Variants in TARM1 observed in about 807,000 individuals in gnomAD.
TARM1 encodes T cell-interacting, activating receptor on myeloid cells 1.
TARM1 carries 24 observed loss-of-function variants against 30.4 expected under a neutral mutation model. The ratio of observed to expected loss-of-function variants is 0.79; its 90% CI spans 0.57 to 1.11. The LOEUF (loss-of-function observed/expected upper bound fraction) is 1.11. Among genes scored for constraint, TARM1 ranks in the 50% least tolerant of loss-of-function variants. The probability of loss-of-function intolerance (pLI) is 0.00; values close to 1 mark genes in which losing one functional copy is unlikely to be tolerated. For missense variants in TARM1, 323 were observed against 332.8 expected (o/e 0.97, Z 0.23); for synonymous variants, 129 against 138.9 (o/e 0.93, Z 0.50).
intron 4 of TARM1, among the ~76,000 whole-genome samples, chr19:54,072,758 C>T (rs2071843350): frequency 6.6e-6 from 1 of 152,074 alleles, no homozygotes; most frequent in South Asian, 2.1e-4. Flanking sequence ...GAGCGGATCA[C>T]CTGAGGCCAG....
At chr19:54,076,705 A>T (rs1206891837) in intron 1 of TARM1, among the ~76,000 whole-genome samples, 1 of 151,672 alleles carries the variant, frequency 6.6e-6, no homozygotes, top group African/African-American at 2.4e-5. Flanking sequence ...GTGTTTTGAG[A>T]CAGGGTCTCT....
At chr19:54,076,061 C>A in intron 1 of TARM1, 143 bp from the exon 2 acceptor site, 1 of 1,435,060 alleles carries the variant, frequency 7.0e-7, no homozygotes, top group Non-Finnish European at 9.3e-7. Flanking sequence ...ATTCTCCCCA[C>A]ACTGGACTGT....
chr19:54,080,136 G>GAAGAAAGAAAGAAAGA (rs1162895891), intron 1 of TARM1, among the ~76,000 whole-genome samples: 2 of 63,778 alleles, frequency 3.1e-5, no homozygotes, highest in African/African-American at 1.1e-4. Context: ...AGGAAGGAAG[G>GAAGAAAGAAAGAAAGA]AAGAAAGCAA....
intron 2 of TARM1, 61 bp from the exon 3 acceptor site, chr19:54,075,175 T>C: frequency 7.4e-7 from 1 of 1,352,194 alleles, no homozygotes; most frequent in Non-Finnish European, 9.8e-7. Flanking sequence ...AGGAAGCCCT[T>C]TTTAAAATTT....
chr19:54,072,392 G>C (rs2071834261), intron 4 of TARM1, among the ~76,000 whole-genome samples: 1 of 152,124 alleles, frequency 6.6e-6, no homozygotes. Context: ...CACCCAGTAA[G>C]GCAGGAAACA....
intron 1 of TARM1, among the ~76,000 whole-genome samples, chr19:54,079,052 C>T (rs1290657137): frequency 9.9e-5 from 14 of 141,234 alleles, no homozygotes; most frequent in Non-Finnish European, 1.4e-4. Flanking sequence ...GTCAGGAGAT[C>T]GAGACCAGCC....
rs587646116 is a variant in TARM1, at chr19:54,071,919, G to A, written c.659-1759C>T. Among the ~76,000 whole-genome samples, 4 of 151,682 alleles carry A rather than the reference G, an allele frequency of 2.6e-5. No individual in the cohort carries two copies. The South Asian group carries it at 8.3e-4, about 32-fold the overall frequency. ...ATAATAAAACTCTGATTGGCCAGGT[G>A]CAGTGGCTCATGCCTGTAATCCCAG... is the stretch of plus-strand genomic sequence containing the variant. On this transcript the variant is annotated intron_variant, in intron 4 of 4. Transcript: ENST00000432826.
chr19:54,080,681 A>C (rs587676661), intron 1 of TARM1, among the ~76,000 whole-genome samples: 1 of 152,126 alleles, frequency 6.6e-6, no homozygotes, highest in East Asian at 1.9e-4. Context: ...TTATGGTATT[A>C]AGGTTTCTGG....
chr19:54,070,006 C>T lies in TARM1; in HGVS notation c.813G>A (p.Glu271=). The T allele has an allele frequency of 6.4e-7, 1 of 1,551,144 alleles. No individual in the cohort carries two copies. Among genetic ancestry groups the T allele is most frequent in the Non-Finnish European group, 8.7e-7 (1 of 1,146,630 alleles). Residue 271 remains glutamate (E), a synonymous_variant, in exon 5 of 5, where the codon GAG becomes GAA. Coordinates refer to ENST00000432826, the MANE Select transcript of TARM1 (RefSeq NM_001135686.3). ...SPGESEAFKP[E] ...CCAGCCCCGGTTCAAGATGGAGTCA[C>T]TCTGGTTTGAAGGCCTCTGATTCAC...
chr19:54,079,030 G>A (rs1168568419), intron 1 of TARM1, among the ~76,000 whole-genome samples: 1 of 147,976 alleles, frequency 6.8e-6, no homozygotes, highest in Admixed American at 6.7e-5. Flanking sequence ...GCCGAGACAG[G>A]CAGATCACAA....
At position 54,072,082 on chromosome 19, in the gene TARM1, G is replaced by A. The variant is rs587702595; in HGVS notation, c.658+1838C>T. On this transcript the variant is annotated intron_variant, in intron 4 of 4. Transcript: ENST00000432826. ...GGCACACATATAGTCCCAGCTACTC[G>A]GGAGGCTGAGGCAGAAGAATCGTTT... 7.9e-5 allele frequency among the ~76,000 whole-genome samples: 12 copies of A among 151,954 alleles called. No individual in the cohort carries two copies. The East Asian group carries it at 1.4e-3, about 17-fold the overall frequency.
At chr19:54,074,433 A>G (rs1044875156) in intron 3 of TARM1, among the ~76,000 whole-genome samples, 1 of 152,222 alleles carries the variant, frequency 6.6e-6, no homozygotes, top group African/African-American at 2.4e-5. Flanking sequence ...CTGTAATCCC[A>G]GCACTTTGGG....
chr19:54,075,669 C>A (rs372926695), intron 2 of TARM1, among the ~76,000 whole-genome samples: 2 of 151,398 alleles, frequency 1.3e-5, no homozygotes, highest in East Asian at 2.0e-4. Flanking sequence ...GGCAAGCACC[C>A]GTAGTCCCAG....
chr19:54,074,775 C>T (rs1257877361), intron 3 of TARM1, 49 bp downstream of exon 3: 1 of 1,524,980 alleles, frequency 6.6e-7, no homozygotes, highest in Non-Finnish European at 8.9e-7. Flanking sequence ...TCCACTTCCT[C>T]CCTCATCCCC....
At chr19:54,072,412 C>T (rs889422435) in intron 4 of TARM1, among the ~76,000 whole-genome samples, 1 of 152,126 alleles carries the variant, frequency 6.6e-6, no homozygotes, top group Non-Finnish European at 1.5e-5. Context: ...AAGATACTTT[C>T]AGAAGAATTC....
rs150116310 is a variant in TARM1, at chr19:54,076,432, G to A, written c.35-514C>T. On this transcript the variant is annotated intron_variant, in intron 1 of 4. Transcript: ENST00000432826. ...GGCTGGAGTAGAGTGACGCAATCTC[G>A]GCTCACTGCAACCTCCGCCTCCCGG... 3.0e-3 allele frequency: 1,456 copies of A among 478,554 alleles called. 19 individuals are homozygous for A. Among genetic ancestry groups the A allele is most frequent in the African/African-American group, 0.028 (1,352 of 48,850 alleles). The allele number at this position is 478,554 out of a possible 1,614,324, so 29.6% of individuals were successfully genotyped here.
chr19:54,080,520 A>G (rs1490000200), intron 1 of TARM1, among the ~76,000 whole-genome samples: 13 of 146,606 alleles, frequency 8.9e-5, no homozygotes, highest in African/African-American at 2.8e-4. Flanking sequence ...GGAAGGAAGG[A>G]AGGAAGGAAG....
intron 4 of TARM1, among the ~76,000 whole-genome samples, chr19:54,073,183 C>A (rs953468535): frequency 1.3e-5 from 2 of 150,852 alleles, no homozygotes; most frequent in African/African-American, 2.4e-5. Flanking sequence ...CCGAGGCAGG[C>A]AGATCACCTG....
intron 3 of TARM1, among the ~76,000 whole-genome samples, chr19:54,074,478 T>G (rs1249077547): frequency 2.0e-5 from 3 of 151,708 alleles, no homozygotes; most frequent in Non-Finnish European, 4.4e-5. Context: ...AGGTCAGGAG[T>G]TCGAGACCAG....
Sources: gnomAD v4.1 joint callset for allele counts (sites outside exome capture counted in the v4.1 genomes callset) on GRCh38, gnomAD v4.1.1 for gene constraint, MANE v1.5 for transcripts, NCBI Gene and HGNC (gene_info 2026-07-23, HGNC 2026-07-21) for gene names.